The following FHOD3 variants were observed in gnomAD, a reference collection of about 807,000 sequenced individuals.
FHOD3 encodes the protein formin homology 2 domain containing 3, also known as FH1/FH2 domain-containing protein 3.
A neutral mutation model predicts 173.0 loss-of-function variants in FHOD3; 90 were observed. The ratio of observed to expected loss-of-function variants is 0.52; its 90% CI spans 0.44 to 0.62. FHOD3 has a LOEUF of 0.62. Ranked by LOEUF, FHOD3 falls within the 20% of genes least tolerant of loss-of-function variation. The probability of loss-of-function intolerance (pLI) is 0.00; values close to 1 mark genes in which losing one functional copy is unlikely to be tolerated. For missense variants in FHOD3, 1,945 were observed against 2,034.7 expected, an observed-to-expected ratio of 0.96 and a Z score of 0.85; for synonymous variants, 828 against 823.0, an observed-to-expected ratio of 1.01 and a Z score of -0.10.
intron 1 of FHOD3, among the ~76,000 whole-genome samples, chr18:36,316,771 G>A (rs1390251252): frequency 6.6e-6 from 1 of 151,924 alleles, no homozygotes; most frequent in African/African-American, 2.4e-5. Flanking sequence ...TGTGCACAAT[G>A]TGCAGGTTTG....
At chr18:36,634,131 A>G (rs991133405) in intron 10 of FHOD3, among the ~76,000 whole-genome samples, 1 of 152,194 alleles carries the variant, frequency 6.6e-6, no homozygotes, top group Admixed American at 6.5e-5. Flanking sequence ...TAACTGATGC[A>G]TACCAATTAG....
At chr18:36,551,467 A>G (rs546601511) in intron 5 of FHOD3, among the ~76,000 whole-genome samples, 1 of 151,906 alleles carries the variant, frequency 6.6e-6, no homozygotes, top group East Asian at 1.9e-4. Context: ...AATTTGATTA[A>G]TTTATTTAAT....
chr18:36,668,568 A>T (rs2037332612), intron 14 of FHOD3, among the ~76,000 whole-genome samples: 1 of 151,482 alleles, frequency 6.6e-6, no homozygotes, highest in African/African-American at 2.4e-5. Context: ...CAGTTAGGAG[A>T]TGAGGTCATT....
At chr18:36,544,670 G>A (rs973350535) in intron 5 of FHOD3, 1 of 152,096 alleles carries the variant, frequency 6.6e-6, no homozygotes, top group African/African-American at 2.4e-5. Flanking sequence ...GTGCTTTGGA[G>A]GAAAACATAC....
intron 1 of FHOD3, among the ~76,000 whole-genome samples, chr18:36,343,019 C>T (rs934207521): frequency 1.3e-5 from 2 of 152,172 alleles, no homozygotes; most frequent in East Asian, 3.8e-4. Flanking sequence ...CAAACAACAA[C>T]TAGTGTTGGT....
chr18:36,570,332 A>G (rs1176849765), intron 5 of FHOD3, among the ~76,000 whole-genome samples: 3 of 152,106 alleles, frequency 2.0e-5, no homozygotes, highest in Non-Finnish European at 4.4e-5. Context: ...ACAAACTACC[A>G]AAACCCACCC....
intron 17 of FHOD3, among the ~76,000 whole-genome samples, chr18:36,706,497 C>T (rs1403098554): frequency 3.9e-5 from 6 of 152,240 alleles, no homozygotes; most frequent in Non-Finnish European, 5.9e-5. Flanking sequence ...TGTACTCCTC[C>T]CCCACAAGAG....
intron 3 of FHOD3, among the ~76,000 whole-genome samples, chr18:36,488,785 G>A (rs555241047): frequency 4.6e-5 from 7 of 152,188 alleles, no homozygotes; most frequent in Non-Finnish European, 8.8e-5. Flanking sequence ...GGATTTAGGA[G>A]TCTGGATGGT....
At chr18:36,610,839 G>A (rs1359810226) in intron 8 of FHOD3, among the ~76,000 whole-genome samples, 1 of 152,240 alleles carries the variant, frequency 6.6e-6, no homozygotes, top group East Asian at 1.9e-4. Context: ...AGTGAAGTAA[G>A]TAGGGACTAA....
At chr18:36,570,748 C>T (rs1424267128) in intron 5 of FHOD3, among the ~76,000 whole-genome samples, 7 of 152,038 alleles carry the variant, frequency 4.6e-5, no homozygotes, top group Non-Finnish European at 8.8e-5. Flanking sequence ...ACTGCATTAA[C>T]AATCTGAAGA....
chr18:36,364,395 A>T (rs1270542284), intron 2 of FHOD3, among the ~76,000 whole-genome samples: 1 of 152,136 alleles, frequency 6.6e-6, no homozygotes, highest in Non-Finnish European at 1.5e-5. Context: ...GGACGAAGGG[A>T]GTGCACGCCC....
intron 3 of FHOD3, among the ~76,000 whole-genome samples, chr18:36,477,522 T>TCCAA: frequency 1.4e-5 from 1 of 71,310 alleles, no homozygotes; most frequent in Non-Finnish European, 2.7e-5. Context: ...CATCCATCCA[T>TCCAA]CCATCCACCC....
chr18:36,750,894 T>C (rs150948370), intron 24 of FHOD3, among the ~76,000 whole-genome samples: 14 of 152,242 alleles, frequency 9.2e-5, no homozygotes, highest in African/African-American at 2.9e-4. Context: ...TAGCCCTATA[T>C]TGTAAAGTTG....
At chr18:36,360,242 G>A (rs957993290) in intron 2 of FHOD3, among the ~76,000 whole-genome samples, 3 of 152,216 alleles carry the variant, frequency 2.0e-5, no homozygotes, top group Non-Finnish European at 4.4e-5. Flanking sequence ...GAGTGGACCT[G>A]AGAACCATGA....
At chr18:36,360,188 G>A (rs1053189370) in intron 2 of FHOD3, among the ~76,000 whole-genome samples, 1 of 152,174 alleles carries the variant, frequency 6.6e-6, no homozygotes, top group Non-Finnish European at 1.5e-5. Flanking sequence ...GGTGGCTTTG[G>A]GTATTTGGAA....
At chr18:36,527,749 A>G (rs2056592900) in intron 5 of FHOD3, among the ~76,000 whole-genome samples, 1 of 152,126 alleles carries the variant, frequency 6.6e-6, no homozygotes, top group South Asian at 2.1e-4. Context: ...AGTGTGGTAG[A>G]ATACCCTCTA....
intron 3 of FHOD3, among the ~76,000 whole-genome samples, chr18:36,412,124 G>A (rs531062267): frequency 6.6e-6 from 1 of 152,334 alleles, no homozygotes; most frequent in East Asian, 1.9e-4. Context: ...AAGGGGCGGG[G>A]CTGGAGGGCA....
At chr18:36,569,602 T>C (rs2058385414) in intron 5 of FHOD3, among the ~76,000 whole-genome samples, 1 of 152,136 alleles carries the variant, frequency 6.6e-6, no homozygotes, top group African/African-American at 2.4e-5. Flanking sequence ...TTGACATCTT[T>C]AGAAAACACT....
intron 10 of FHOD3, among the ~76,000 whole-genome samples, chr18:36,632,041 A>T (rs1002105360): frequency 1.4e-4 from 21 of 152,228 alleles, no homozygotes; most frequent in African/African-American, 4.8e-4. Flanking sequence ...TGTAATGAAC[A>T]TACACACTGG....
Sources: gnomAD v4.1 joint callset for allele counts (sites outside exome capture counted in the v4.1 genomes callset) on GRCh38, gnomAD v4.1.1 for gene constraint, MANE v1.5 for transcripts, NCBI Gene and HGNC (gene_info 2026-07-23, HGNC 2026-07-21) for gene names.